The following SLC29A3 variants were observed in gnomAD, a reference collection of about 807,000 sequenced individuals.
SLC29A3 encodes the protein equilibrative nucleoside transporter 3.
Under a neutral mutation model 25.4 loss-of-function variants are expected in SLC29A3, and 18 were observed. The observed-to-expected ratio is 0.71, with a 90% CI of 0.49 to 1.05. The LOEUF is 1.05. Ranked by LOEUF, SLC29A3 falls within the 50% of genes least tolerant of loss-of-function variation. The pLI, the probability that SLC29A3 is intolerant of heterozygous loss-of-function variation, is 0.00. For missense variants in SLC29A3, 586 were observed against 609.0 expected, an observed-to-expected ratio of 0.96 and a Z score of 0.40; for synonymous variants, 258 against 267.1, an observed-to-expected ratio of 0.97 and a Z score of 0.33.
At position 71,319,519 on chromosome 10, in the gene SLC29A3, C is replaced by T. The variant is rs953081024; in HGVS notation, c.1+209C>T. On this transcript the variant is annotated intron_variant, in intron 1 of 5. Transcript: ENST00000373189. ...TCTTTCTGGGTCTCTATCTTCTCTT[C>T]CCCAAATCCTCTCCCCTCCTCCTCC... 7.1e-6 allele frequency: 3 copies of T among 420,710 alleles called. No individual in the cohort carries two copies. The South Asian group carries it at 1.7e-4, about 23-fold the overall frequency. 26.1% of individuals were successfully genotyped at this position (420,710 alleles called of 1,614,324 possible).
chr10:71,344,708 T>C (rs900586413), intron 3 of SLC29A3, among the ~76,000 whole-genome samples: 1 of 152,186 alleles, frequency 6.6e-6, no homozygotes, highest in African/African-American at 2.4e-5. Flanking sequence ...AGTTCCAACA[T>C]TGTAATGGTA....
At chr10:71,324,008 G>C (rs1845911344) in intron 2 of SLC29A3, among the ~76,000 whole-genome samples, 2 of 152,170 alleles carry the variant, frequency 1.3e-5, no homozygotes, top group African/African-American at 2.4e-5. Context: ...TTTCCAGAGA[G>C]GTGGGGGCAG....
intron 3 of SLC29A3, among the ~76,000 whole-genome samples, chr10:71,369,687 A>G (rs1847196726): frequency 6.6e-6 from 1 of 152,232 alleles, no homozygotes; most frequent in Non-Finnish European, 1.5e-5. Context: ...AGTGTGGTCT[A>G]CATCAAAGTA....
intron 4 of SLC29A3, among the ~76,000 whole-genome samples, chr10:71,353,606 T>G (rs1277226365): frequency 6.6e-6 from 1 of 152,178 alleles, no homozygotes; most frequent in Non-Finnish European, 1.5e-5. Flanking sequence ...TTAATGACCC[T>G]GAGTCTAAAC....
intron 3 of SLC29A3, among the ~76,000 whole-genome samples, chr10:71,371,303 C>T (rs1847209578): frequency 6.6e-6 from 1 of 152,094 alleles, no homozygotes; most frequent in Admixed American, 6.6e-5. Flanking sequence ...TGCACTAGCC[C>T]GCCCCACTCC....
chr10:71,329,910 G>T (rs1416082347), intron 2 of SLC29A3, among the ~76,000 whole-genome samples: 1 of 152,258 alleles, frequency 6.6e-6, no homozygotes, highest in Admixed American at 6.5e-5. Context: ...AAACCTGGCA[G>T]TGAAGGGGAC....
chr10:71,358,216 C>G (rs576731279), intron 5 of SLC29A3, among the ~76,000 whole-genome samples: 1 of 152,114 alleles, frequency 6.6e-6, no homozygotes, highest in Non-Finnish European at 1.5e-5. Context: ...ACTGCAAGGG[C>G]CTTATCTCAT....
rs1211435129 is a variant in SLC29A3 at position 71,351,554 on chromosome 10, C to T, written c.384-8C>T. ...GGTGTCTAACTGCTTCTGGCATCCT[C>T]GCCCCAGGGTTGCAGTCCACATCCG... On this transcript the variant is annotated splice_polypyrimidine_tract_variant and splice_region_variant and intron_variant, in intron 3 of 5. Transcript: ENST00000373189. 1.4e-5 allele frequency: 22 copies of T among 1,613,270 alleles called. 1 individual carries two copies. The South Asian group carries it at 2.1e-4, about 15-fold the overall frequency.
chr10:71,351,251 C>T (rs147364505), intron 3 of SLC29A3, among the ~76,000 whole-genome samples: 19 of 152,348 alleles, frequency 1.2e-4, no homozygotes, highest in African/African-American at 2.4e-4. Flanking sequence ...ACCCACTGAG[C>T]GCTGGCCCTG....
Position 71,361,977 on chromosome 10 carries a change from C to G in SLC29A3, c.797C>G (p.Ala266Gly). ...AGGTACTACATGAGGCCTGTTCTTGCGGCCCATGTGTTTTCTGGTGAAGAG... is the reference window on the plus strand; with the variant it reads ...AGGTACTACATGAGGCCTGTTCTTGGGGCCCATGTGTTTTCTGGTGAAGAG... ...YARYYMRPVL[A>G]AHVFSGEEEL... Residue 266 changes from alanine to glycine, a missense_variant, in exon 6 of 6, where the codon GCG (alanine) becomes GGG (glycine). Transcript: ENST00000373189. The G allele has an allele frequency of 6.2e-7, 1 of 1,614,104 alleles. No homozygotes were observed. Among genetic ancestry groups the G allele is most frequent in the East Asian group, 2.2e-5 (1 of 44,882 alleles).
At chr10:71,369,531 T>C (rs11816935) in intron 3 of SLC29A3, among the ~76,000 whole-genome samples, 3,367 of 152,330 alleles carry the variant, frequency 0.022, 128 homozygotes, top group African/African-American at 0.075. Flanking sequence ...CCTATTCATA[T>C]TGCAAAAAAT....
chr10:71,340,920 G>C (rs1172308661), intron 2 of SLC29A3, among the ~76,000 whole-genome samples: 1 of 152,180 alleles, frequency 6.6e-6, no homozygotes, highest in African/African-American at 2.4e-5. Flanking sequence ...AGGGAAGTAG[G>C]GCTGGGACAC....
chr10:71,342,413 T>C (rs910505946), intron 2 of SLC29A3, among the ~76,000 whole-genome samples: 2 of 152,220 alleles, frequency 1.3e-5, no homozygotes, highest in Non-Finnish European at 2.9e-5. Flanking sequence ...CTCAGAGTCT[T>C]ATCCAGTGGT....
intron 5 of SLC29A3, 34 bp downstream of exon 5, chr10:71,356,277 C>A: frequency 6.2e-7 from 1 of 1,609,078 alleles, no homozygotes; most frequent in South Asian, 1.1e-5. Context: ...TGCCTCCTTC[C>A]TGTGTATCCA....
At chr10:71,377,017 C>T (rs1011739620) in intron 4 of SLC29A3, among the ~76,000 whole-genome samples, 20 of 152,202 alleles carry the variant, frequency 1.3e-4, no homozygotes, top group African/African-American at 4.8e-4. Flanking sequence ...CTCAAGACCT[C>T]ACCCTCCCAA....
At position 71,333,844 on chromosome 10, in the gene SLC29A3, G is replaced by A. The variant is rs192479629; in HGVS notation, c.301-10365G>A. ...CTTGGGGTCACTCGTGCATGGATCC[G>A]TGAGGTTCCCTGTTTCTCTGACCCC... On this transcript the variant is annotated intron_variant, in intron 2 of 5. Coordinates refer to ENST00000373189, the MANE Select transcript of SLC29A3 (RefSeq NM_018344.6). 6.6e-5 allele frequency among the ~76,000 whole-genome samples: 10 copies of A among 152,346 alleles called. No individual in the cohort carries two copies. The East Asian group carries it at 1.7e-3, about 26-fold the overall frequency.
In SLC29A3 at chr10:71,362,222, C is replaced by T. The variant is rs767362926; in HGVS notation, c.1042C>T (p.Pro348Ser). The change falls in exon 6 of 6, where the codon CCC (proline) becomes TCC (serine). Residue 348 changes from proline (P) to serine (S), a missense_variant. Pro to Ser is a moderately conservative substitution (Grantham distance 74, BLOSUM62 -1). Coordinates refer to ENST00000373189, the MANE Select transcript of SLC29A3 (RefSeq NM_018344.6). The stretch of plus-strand genomic sequence containing the variant: ...ACTGTGGACCACCAAGTTTTTCATC[C>T]CCCTCACTACCTTCCTCCTGTACAA... ...GSLWTTKFFI[P>S]LTTFLLYNFA... 5 of 1,614,148 alleles carry T rather than the reference C, an allele frequency of 3.1e-6. No homozygotes were observed. The South Asian group carries it at 3.3e-5, about 11-fold the overall frequency.
At chr10:71,348,538 G>A (rs1407345904) in intron 3 of SLC29A3, among the ~76,000 whole-genome samples, 1 of 152,200 alleles carries the variant, frequency 6.6e-6, no homozygotes, top group Non-Finnish European at 1.5e-5. Flanking sequence ...GGGAGTGGGT[G>A]GGACAGCTCC....
chr10:71,351,559 C>T lies in SLC29A3; in HGVS notation c.384-3C>T. ...CTAACTGCTTCTGGCATCCTCGCCC[C>T]AGGGTTGCAGTCCACATCCGTGTCC... is the stretch of plus-strand genomic sequence containing the variant. On this transcript the variant is annotated splice_polypyrimidine_tract_variant and splice_region_variant and intron_variant, in intron 3 of 5. Coordinates refer to ENST00000373189, the MANE Select transcript of SLC29A3 (RefSeq NM_018344.6). 1 of 1,613,832 alleles carries T rather than the reference C, an allele frequency of 6.2e-7. No individual in the cohort carries two copies. Among genetic ancestry groups the T allele is most frequent in the East Asian group, 2.2e-5 (1 of 44,878 alleles).
Sources: gnomAD v4.1 joint callset for allele counts (sites outside exome capture counted in the v4.1 genomes callset) on GRCh38, gnomAD v4.1.1 for gene constraint, MANE v1.5 for transcripts, NCBI Gene and HGNC (gene_info 2026-07-23, HGNC 2026-07-21) for gene names.